The following VSTM4 variants were observed in gnomAD, a reference collection of about 807,000 sequenced individuals.
The protein encoded by VSTM4 is V-set and transmembrane domain containing 4, also known as V-set and transmembrane domain-containing protein 4.
VSTM4 carries 20 observed loss-of-function variants against 36.4 expected under a neutral mutation model. That is an observed-to-expected ratio of 0.55 (90% CI 0.39 to 0.80). VSTM4 has a LOEUF of 0.80. Ranked by LOEUF, VSTM4 falls within the 30% of genes least tolerant of loss-of-function variation. VSTM4 has a pLI of 0.00. For synonymous variants in VSTM4, 182 were observed against 173.9 expected (o/e 1.05, Z -0.37); for missense variants, 392 against 404.5 (o/e 0.97, Z 0.26).
chr10:49,105,696 C>G (rs974352517), intron 2 of VSTM4, among the ~76,000 whole-genome samples: 1 of 152,158 alleles, frequency 6.6e-6, no homozygotes, highest in East Asian at 1.9e-4. Context: ...ACTCTGCTTA[C>G]TTGAAGGTAG....
At chr10:49,038,718 G>A (rs528811837) in intron 7 of VSTM4, among the ~76,000 whole-genome samples, 12 of 152,198 alleles carry the variant, frequency 7.9e-5, no homozygotes, top group Non-Finnish European at 1.3e-4. Context: ...ATGTCATGGC[G>A]GATTTGAGGT....
chr10:49,021,144 A>C (rs1042515049), intron 7 of VSTM4, among the ~76,000 whole-genome samples: 2 of 152,144 alleles, frequency 1.3e-5, no homozygotes, highest in Non-Finnish European at 2.9e-5. Flanking sequence ...TGATATTAAC[A>C]ATTAAACCTA....
At chr10:49,098,205 C>T (rs1844607694) in intron 2 of VSTM4, among the ~76,000 whole-genome samples, 2 of 152,336 alleles carry the variant, frequency 1.3e-5, no homozygotes, top group East Asian at 1.9e-4. Context: ...GTGCTGGGCA[C>T]ACAGCCCTCA....
chr10:49,023,699 T>C (rs139898730), intron 7 of VSTM4, among the ~76,000 whole-genome samples: 9 of 152,250 alleles, frequency 5.9e-5, no homozygotes, highest in African/African-American at 1.9e-4. Flanking sequence ...TCTCTAAAAA[T>C]GAATGAGGAA....
intron 5 of VSTM4, among the ~76,000 whole-genome samples, chr10:49,059,547 G>T (rs1843838892): frequency 6.6e-6 from 1 of 152,168 alleles, no homozygotes; most frequent in South Asian, 2.1e-4. Context: ...GAGGCTGCTT[G>T]CTAGACACAA....
Position 49,085,978 on chromosome 10 carries a change from T to C in VSTM4, c.503A>G (p.Lys168Arg), listed in dbSNP as rs779269149. Residue 168 changes from lysine to arginine, a missense_variant, in exon 3 of 8, where the codon AAA becomes AGA. Lys to Arg is a conservative substitution (Grantham distance 26). Transcript: ENST00000332853. ...ACCTTCAAAAAATGCCCAAGTCTCT[T>C]TTGTTTTCTCAAAGGATGACTCTTC... ...ASEESSFEKT[K>R]ETWAFFEDLY... 17 of 1,596,228 alleles carry C rather than the reference T, an allele frequency of 1.1e-5. No individual in the cohort carries two copies. The highest frequency in any genetic ancestry group is 1.4e-5 in the Non-Finnish European group (17 of 1,172,814).
intron 7 of VSTM4, among the ~76,000 whole-genome samples, chr10:49,022,436 C>CA (rs1564563624): frequency 6.6e-6 from 1 of 152,020 alleles, no homozygotes; most frequent in Admixed American, 6.6e-5. Context: ...TGATGCACCC[C>CA]AAAAAGGCAC....
intron 2 of VSTM4, among the ~76,000 whole-genome samples, chr10:49,087,055 T>C (rs1447508993): frequency 6.6e-6 from 1 of 152,240 alleles, no homozygotes; most frequent in Non-Finnish European, 1.5e-5. Flanking sequence ...ATTGTCATGA[T>C]CTCAATTCTG....
At chr10:49,094,808 C>T (rs1844539951) in intron 2 of VSTM4, among the ~76,000 whole-genome samples, 1 of 152,106 alleles carries the variant, frequency 6.6e-6, no homozygotes, top group South Asian at 2.1e-4. Context: ...CCACTGCAGC[C>T]CCAGGGAGAC....
intron 2 of VSTM4, among the ~76,000 whole-genome samples, chr10:49,088,155 G>T (rs564327041): frequency 1.3e-5 from 2 of 152,172 alleles, no homozygotes; most frequent in East Asian, 3.9e-4. Context: ...TCTGCTGAGA[G>T]GTTGCCTTGA....
intron 3 of VSTM4, 112 bp from the exon 4 acceptor site, chr10:49,077,438 C>T (rs1844200290): frequency 1.1e-6 from 1 of 949,082 alleles, no homozygotes; most frequent in East Asian, 2.6e-5. Flanking sequence ...CTACAGTCAA[C>T]AAGGCAGTGT....
intron 4 of VSTM4, among the ~76,000 whole-genome samples, chr10:49,071,994 C>T (rs12245163): frequency 0.041 from 6,279 of 152,242 alleles, 436 homozygotes; most frequent in African/African-American, 0.14. Context: ...CAAGGTGATG[C>T]AAAGTTTGTT....
intron 2 of VSTM4, among the ~76,000 whole-genome samples, chr10:49,105,831 A>G (rs950412386): frequency 5.4e-4 from 64 of 119,306 alleles, no homozygotes; most frequent in African/African-American, 1.4e-3. Flanking sequence ...CACGTATCAT[A>G]TGTGTGTGTG....
At chr10:49,087,927 GTAATATATA>G (rs139599738) in intron 2 of VSTM4, among the ~76,000 whole-genome samples, 4,374 of 146,054 alleles carry the variant, frequency 0.03, 95 homozygotes, top group Non-Finnish European at 0.046. Flanking sequence ...ATATACATAT[GTAATATATA>G]TGTATATATA....
At chr10:49,046,761 C>G (rs1843617098) in intron 7 of VSTM4, among the ~76,000 whole-genome samples, 1 of 152,128 alleles carries the variant, frequency 6.6e-6, no homozygotes, top group Non-Finnish European at 1.5e-5. Flanking sequence ...AACAGAGCAT[C>G]TATAATATAA....
At chr10:49,044,454 GAAAGAAAGAA>G (rs1564571444) in intron 7 of VSTM4, among the ~76,000 whole-genome samples, 5 of 126,248 alleles carry the variant, frequency 4.0e-5, no homozygotes. Context: ...AGGAGAGAAA[GAAAGAAAGAA>G]AAAGAAAGAA....
intron 2 of VSTM4, among the ~76,000 whole-genome samples, chr10:49,105,822 A>G (rs558843203): frequency 1.1e-4 from 17 of 149,476 alleles, no homozygotes; most frequent in African/African-American, 4.2e-4. Context: ...ACACATACAC[A>G]CGTATCATAT....
chr10:49,070,779 G>T (rs1844063656), intron 4 of VSTM4, among the ~76,000 whole-genome samples: 1 of 152,360 alleles, frequency 6.6e-6, no homozygotes, highest in East Asian at 1.9e-4. Flanking sequence ...CAGGGGGCCT[G>T]ACCAGAGAGC....
intron 3 of VSTM4, among the ~76,000 whole-genome samples, chr10:49,078,104 CAGT>C (rs1315610444): frequency 6.6e-6 from 1 of 152,106 alleles, no homozygotes; most frequent in African/African-American, 2.4e-5. Flanking sequence ...AATGCAACTA[CAGT>C]AAAATATCCC....
Sources: allele counts gnomAD v4.1 joint callset (sites outside exome capture counted in the v4.1 genomes callset), GRCh38; gene constraint gnomAD v4.1.1; transcripts MANE v1.5; gene names NCBI Gene and HGNC (gene_info 2026-07-23, HGNC 2026-07-21).